The following PPP2R5E variants were observed in gnomAD, a reference collection of about 807,000 sequenced individuals.
PPP2R5E encodes the protein protein phosphatase 2 regulatory subunit B'epsilon.
A neutral mutation model predicts 65.3 loss-of-function variants in PPP2R5E; 4 were observed. The observed-to-expected ratio is 0.06, with a 90% CI of 0.03 to 0.14. PPP2R5E has a LOEUF of 0.14. Among genes scored for constraint, PPP2R5E ranks in the 10% least tolerant of loss-of-function variants. The pLI is 1.00. For synonymous variants in PPP2R5E, 183 were observed against 187.4 expected, an observed-to-expected ratio of 0.98 and a Z score of 0.19; for missense variants, 274 against 556.1, an observed-to-expected ratio of 0.49 and a Z score of 5.10.
At position 63,374,642 on chromosome 14, in the gene PPP2R5E, T is replaced by G. The variant is rs1429567870; in HGVS notation, c.*1367A>C. On this transcript the variant is annotated 3_prime_UTR_variant, in exon 14 of 14. Coordinates refer to ENST00000337537, the MANE Select transcript of PPP2R5E (RefSeq NM_006246.5). The stretch of plus-strand genomic sequence containing the variant: ...AAGCAGAGAGCCAATAAGATATATA[T>G]ATATATATATATATATATATATATA... The G allele has an allele frequency of 4.3e-4, 42 of 98,294 alleles. 1 individual carries two copies. The South Asian group carries it at 5.4e-3, about 13-fold the overall frequency. The allele number at this position is 98,294 out of a possible 1,614,324, so 6.1% of individuals were successfully genotyped here.
At chr14:63,512,994 C>T (rs553336190) in intron 2 of PPP2R5E, among the ~76,000 whole-genome samples, 4 of 130,588 alleles carry the variant, frequency 3.1e-5, no homozygotes, top group South Asian at 2.3e-4. Context: ...TCTCCACCCC[C>T]CTACCCCCCA....
chr14:63,470,931 A>G (rs183210098), intron 2 of PPP2R5E, among the ~76,000 whole-genome samples: 34 of 152,260 alleles, frequency 2.2e-4, no homozygotes, highest in African/African-American at 7.2e-4. Context: ...ATGCACCCTG[A>G]TATTACAAAG....
At chr14:63,463,130 TTTTTTGTTTTTG>T (rs148481326) in intron 2 of PPP2R5E, among the ~76,000 whole-genome samples, 7 of 144,070 alleles carry the variant, frequency 4.9e-5, no homozygotes, top group Admixed American at 6.8e-5. Flanking sequence ...CTAAGATGGT[TTTTTTGTTTTTG>T]TTTTTGTTTT....
chr14:63,474,851 T>C (rs1329711497), intron 2 of PPP2R5E, among the ~76,000 whole-genome samples: 1 of 151,948 alleles, frequency 6.6e-6, no homozygotes, highest in African/African-American at 2.4e-5. Context: ...GTGCAGAAAG[T>C]GAAGCAGAAG....
chr14:63,476,878 T>C (rs1401316633), intron 2 of PPP2R5E, among the ~76,000 whole-genome samples: 1 of 152,144 alleles, frequency 6.6e-6, no homozygotes, highest in Non-Finnish European at 1.5e-5. Flanking sequence ...CTGACTAGTG[T>C]CCACTAACAG....
intron 2 of PPP2R5E, among the ~76,000 whole-genome samples, chr14:63,498,366 C>G (rs1306953852): frequency 1.5e-5 from 2 of 134,924 alleles, no homozygotes; most frequent in Non-Finnish European, 3.0e-5. Flanking sequence ...CTCTTGACAT[C>G]ATTTCTTTTC....
At chr14:63,496,467 C>A (rs1041800727) in intron 2 of PPP2R5E, among the ~76,000 whole-genome samples, 1 of 148,306 alleles carries the variant, frequency 6.7e-6, no homozygotes, top group Admixed American at 6.7e-5. Context: ...AAAGAGTGAG[C>A]CACTTAAGGC....
intron 2 of PPP2R5E, among the ~76,000 whole-genome samples, chr14:63,515,065 T>C (rs1152449): frequency 0.41 from 62,382 of 152,008 alleles, 16,253 homozygotes; most frequent in African/African-American, 0.75. Context: ...GCTTCCCATG[T>C]CACTTCTGTA....
chr14:63,536,403 T>C (rs1893668705), intron 2 of PPP2R5E, among the ~76,000 whole-genome samples: 1 of 152,282 alleles, frequency 6.6e-6, no homozygotes, highest in East Asian at 1.9e-4. Flanking sequence ...GGTGAGGATA[T>C]AGAAAACTGG....
intron 2 of PPP2R5E, among the ~76,000 whole-genome samples, chr14:63,475,014 T>A (rs1890337243): frequency 6.6e-6 from 1 of 152,234 alleles, no homozygotes; most frequent in Non-Finnish European, 1.5e-5. Context: ...TGTGGACAAG[T>A]GTCCAACGTT....
chr14:63,469,160 G>C (rs1566726112), intron 2 of PPP2R5E, among the ~76,000 whole-genome samples: 1 of 152,064 alleles, frequency 6.6e-6, no homozygotes. Flanking sequence ...ACACTATTAA[G>C]CAAAACCAAA....
chr14:63,391,077 A>G (rs1227523722), intron 10 of PPP2R5E, among the ~76,000 whole-genome samples: 1 of 152,234 alleles, frequency 6.6e-6, no homozygotes, highest in Non-Finnish European at 1.5e-5. Flanking sequence ...GTATTTGGGC[A>G]GGCTGCTCTA....
At chr14:63,466,814 T>C (rs772681452) in intron 2 of PPP2R5E, among the ~76,000 whole-genome samples, 2 of 152,180 alleles carry the variant, frequency 1.3e-5, no homozygotes, top group Non-Finnish European at 2.9e-5. Flanking sequence ...TATGTGTGTA[T>C]GAACAGTTTT....
intron 2 of PPP2R5E, among the ~76,000 whole-genome samples, chr14:63,498,045 C>T (rs926130388): frequency 6.6e-6 from 1 of 152,146 alleles, no homozygotes; most frequent in Non-Finnish European, 1.5e-5. Context: ...CAGCTTATGT[C>T]TTATTTTGAG....
intron 2 of PPP2R5E, among the ~76,000 whole-genome samples, chr14:63,519,153 G>A (rs534689691): frequency 6.6e-6 from 1 of 152,082 alleles, no homozygotes; most frequent in African/African-American, 2.4e-5. Flanking sequence ...GGCAGAGGTT[G>A]CAGTGAGCCA....
intron 5 of PPP2R5E, among the ~76,000 whole-genome samples, chr14:63,410,738 C>T (rs1219941509): frequency 6.6e-6 from 1 of 152,182 alleles, no homozygotes; most frequent in Non-Finnish European, 1.5e-5. Flanking sequence ...TGGGAGCTAA[C>T]AGGTGCCCAG....
intron 3 of PPP2R5E, among the ~76,000 whole-genome samples, chr14:63,428,492 A>G (rs2139910769): frequency 6.6e-6 from 1 of 152,312 alleles, no homozygotes; most frequent in Middle Eastern, 3.4e-3. Context: ...TTTATTTACT[A>G]AATCTGACAA....
intron 2 of PPP2R5E, among the ~76,000 whole-genome samples, chr14:63,455,691 C>T (rs1487495295): frequency 6.6e-6 from 1 of 152,198 alleles, no homozygotes; most frequent in African/African-American, 2.4e-5. Flanking sequence ...TGCTTATGAG[C>T]ATGACTATAT....
Position 63,512,914 on chromosome 14 carries a change from T to C in PPP2R5E, c.157+26615A>G, listed in dbSNP as rs1347723172. On this transcript the variant is annotated intron_variant, in intron 2 of 13. Coordinates refer to ENST00000337537, the MANE Select transcript of PPP2R5E (RefSeq NM_006246.5). ...GAGTTTTAAACAACTAGTATGAAGATGGCTTGATTTCTGAAACATCTCATC... is the reference window on the plus strand; with the variant it reads ...GAGTTTTAAACAACTAGTATGAAGACGGCTTGATTTCTGAAACATCTCATC... Among the ~76,000 whole-genome samples, 3 of 152,062 alleles carry C rather than the reference T, an allele frequency of 2.0e-5. No individual in the cohort carries two copies. In the East Asian group the frequency reaches 5.8e-4, roughly 29 times the overall value.
Sources: gnomAD v4.1 joint callset for allele counts (sites outside exome capture counted in the v4.1 genomes callset) on GRCh38, gnomAD v4.1.1 for gene constraint, MANE v1.5 for transcripts, NCBI Gene and HGNC (gene_info 2026-07-23, HGNC 2026-07-21) for gene names.